The following CACNA1B variants were observed in gnomAD, a reference collection of about 807,000 sequenced individuals.
The protein encoded by CACNA1B is calcium voltage-gated channel subunit alpha1 B, also known as voltage-dependent N-type calcium channel subunit alpha-1B.
In CACNA1B, 70 loss-of-function variants were observed where a neutral mutation model predicts 247.2. The ratio of observed to expected loss-of-function variants is 0.28; its 90% CI spans 0.23 to 0.35. The LOEUF is 0.35. Among genes scored for constraint, CACNA1B ranks in the 10% least tolerant of loss-of-function variants. The pLI, the probability that CACNA1B is intolerant of heterozygous loss-of-function variation, is 1.00. For synonymous variants in CACNA1B, 1,231 were observed against 1,294.4 expected, an observed-to-expected ratio of 0.95 and a Z score of 1.05; for missense variants, 2,367 against 3,197.4, an observed-to-expected ratio of 0.74 and a Z score of 6.26.
chr9:137,921,354 A>T (rs1347032553), intron 6 of CACNA1B, among the ~76,000 whole-genome samples: 1 of 151,888 alleles, frequency 6.6e-6, no homozygotes, highest in Non-Finnish European at 1.5e-5. Context: ...TTCGGAGAAC[A>T]TGGTCAGCAC....
chr9:137,929,933 C>G (rs1009364507), intron 6 of CACNA1B, among the ~76,000 whole-genome samples: 1 of 152,066 alleles, frequency 6.6e-6, no homozygotes, highest in African/African-American at 2.4e-5. Context: ...GGACCACACG[C>G]GCATGCTACC....
In CACNA1B at chr9:138,053,899, T is replaced by G. The variant is rs750328319; in HGVS notation, c.3861T>G (p.Ile1287Met). 1 of 1,613,056 alleles carries G rather than the reference T, an allele frequency of 6.2e-7. No homozygotes were observed. Among genetic ancestry groups the G allele is most frequent in the African/African-American group, 1.3e-5 (1 of 74,906 alleles). ...TGAAGAATGTCCTCAACATCTTGAT[T>G]GTCTACATGCTCTTCATGTTCATAT... ...NSLKNVLNIL[I>M]VYMLFMFIFA... is the part of the protein sequence containing the mutation. The change falls in exon 26 of 47, where the codon ATT (isoleucine) becomes ATG (methionine). Residue 1287 changes from isoleucine to methionine, a missense_variant. Around this residue, in one of 12 missense-constraint regions of CACNA1B, gnomAD observed 436 missense variants for 679.5 expected, o/e 0.64. Transcript: ENST00000371372.
At chr9:137,921,276 A>G (rs1363269919) in intron 6 of CACNA1B, among the ~76,000 whole-genome samples, 3 of 151,750 alleles carry the variant, frequency 2.0e-5, no homozygotes, top group Non-Finnish European at 4.4e-5. Context: ...TCCCGGGAGC[A>G]GAGTAAAGCG....
chr9:138,068,729 G>A (rs1960018643), intron 31 of CACNA1B: 1 of 468,820 alleles, frequency 2.1e-6, no homozygotes, highest in East Asian at 6.2e-5. Flanking sequence ...AAGAGGGGCG[G>A]GAACTGCTGA....
chr9:137,918,271 G>A (rs7850658), intron 6 of CACNA1B, among the ~76,000 whole-genome samples: 16,957 of 151,970 alleles, frequency 0.11, 2,797 homozygotes, highest in African/African-American at 0.36. Flanking sequence ...CCTTCTTGGT[G>A]GAGTCTCCCA....
Position 138,007,379 on chromosome 9 carries a change from C to T in CACNA1B, c.2092+495C>T, listed in dbSNP as rs188365841. ...AGAGGGTGAGTCTGTGGGGTCAGAG[C>T]GAGCCCAGCCGCCGGTGGTGAGCTC... On this transcript the variant is annotated intron_variant, in intron 16 of 46. Coordinates refer to ENST00000371372, the MANE Select transcript of CACNA1B (RefSeq NM_000718.4). The surrounding 1 kb of genome is among the most constrained non-coding windows in gnomAD (Gnocchi z 4.1). Among the ~76,000 whole-genome samples the T allele has an allele frequency of 4.6e-5, 7 of 152,162 alleles. No individual in the cohort carries two copies. In the East Asian group the frequency reaches 1.2e-3, roughly 25 times the overall value.
In CACNA1B at chr9:138,124,572, A is replaced by G. The variant is rs1420989232; in HGVS notation, c.*2573A>G. 3 of 152,236 alleles carry G rather than the reference A, an allele frequency of 2.0e-5. No individual in the cohort carries two copies. The highest frequency in any genetic ancestry group is 2.9e-5 in the Non-Finnish European group (2 of 68,052). 9.4% of individuals were successfully genotyped at this position (152,236 alleles called of 1,614,324 possible). On this transcript the variant is annotated 3_prime_UTR_variant, in exon 47 of 47. Transcript: ENST00000371372. ...TCTACAATGACATTTTGTATGAAGC[A>G]AAGTCCTTGAATTAAAATAAAAACT... is the stretch of plus-strand genomic sequence containing the variant.
intron 6 of CACNA1B, among the ~76,000 whole-genome samples, chr9:137,938,050 T>G (rs551335298): frequency 6.8e-6 from 1 of 146,934 alleles, no homozygotes; most frequent in South Asian, 2.2e-4. Flanking sequence ...TCTATGAAAT[T>G]AACAGCAGAT....
intron 10 of CACNA1B, among the ~76,000 whole-genome samples, chr9:137,967,659 G>A (rs1958095755): frequency 6.6e-6 from 1 of 152,140 alleles, no homozygotes; most frequent in South Asian, 2.1e-4. Context: ...TCCCCACTGA[G>A]GAGCGAGATC....
Position 138,021,557 on chromosome 9 carries a change from C to T in CACNA1B, c.2268-1454C>T, listed in dbSNP as rs191659573. Among the ~76,000 whole-genome samples the T allele has an allele frequency of 1.1e-4, 17 of 152,368 alleles. No homozygotes were observed. In the East Asian group the frequency reaches 2.5e-3, roughly 22 times the overall value. On this transcript the variant is annotated intron_variant, in intron 18 of 46. Coordinates refer to ENST00000371372, the MANE Select transcript of CACNA1B (RefSeq NM_000718.4). ...TCAGGGCCCCGGAGCTGGTGGCCGC[C>T]GGCCTGGGCCTCTGCAGGCCGTGGT...
intron 36 of CACNA1B, among the ~76,000 whole-genome samples, chr9:138,093,250 T>C (rs1396425350): frequency 6.6e-6 from 1 of 150,688 alleles, no homozygotes; most frequent in Non-Finnish European, 1.5e-5. Context: ...CAAAACCCTG[T>C]CTCTACTAAA....
Position 138,023,271 on chromosome 9 carries a change from A to T in CACNA1B, c.2528A>T (p.Glu843Val), listed in dbSNP as rs1958872691. 6.6e-7 allele frequency: 1 copy of T among 1,516,118 alleles called. No individual in the cohort carries two copies. Among genetic ancestry groups the T allele is most frequent in the Middle Eastern group, 2.0e-4 (1 of 5,120 alleles). 93.9% of individuals were successfully genotyped at this position (1,516,118 alleles called of 1,614,324 possible). ...KARPEAAEAP[E>V]GVDPPRRHHR... ...CGACCTGAGGCTGCGGAGGCCCCCGAGGGCGTCGACCCTCCGCGCAGGCAC... is the reference window on the plus strand; with the variant it reads ...CGACCTGAGGCTGCGGAGGCCCCCGTGGGCGTCGACCCTCCGCGCAGGCAC... The change falls in exon 19 of 47, where the codon GAG becomes GTG. Residue 843 changes from glutamate (E) to valine (V), a missense_variant. Transcript: ENST00000371372.
At position 137,939,061 on chromosome 9, in the gene CACNA1B, T is replaced by C. The variant is rs141814624; in HGVS notation, c.967-13213T>C. Among the ~76,000 whole-genome samples, 734 of 151,640 alleles carry C rather than the reference T, an allele frequency of 4.8e-3. 8 individuals are homozygous for C. Among genetic ancestry groups the C allele is most frequent in the African/African-American group, 0.016 (678 of 41,318 alleles). The stretch of plus-strand genomic sequence containing the variant: ...CTCCAGCCTGGGTGACAGAGCGAGA[T>C]TCTGTCCTAAAAGAAAAAAAAAGAG... On this transcript the variant is annotated intron_variant, in intron 6 of 46. Transcript: ENST00000371372.
At chr9:137,960,923 T>C (rs1176534327) in intron 10 of CACNA1B, among the ~76,000 whole-genome samples, 2 of 152,172 alleles carry the variant, frequency 1.3e-5, no homozygotes, top group African/African-American at 2.4e-5. Context: ...TGAGATGATA[T>C]CTCATTTTGG....
rs1181410431 is a variant in CACNA1B at position 138,054,558 on chromosome 9, G to A, written c.3968+552G>A. Among the ~76,000 whole-genome samples, 1 of 152,242 alleles carries A rather than the reference G, an allele frequency of 6.6e-6. No individual in the cohort carries two copies. The highest frequency in any genetic ancestry group is 1.5e-5 in the Non-Finnish European group (1 of 68,036). ...CTGCCCACGCGGCAGCGTCCCAGCT[G>A]CTTCTGTGTGAATATCATGCAGCTT... On this transcript the variant is annotated intron_variant, in intron 26 of 46. Coordinates refer to ENST00000371372, the MANE Select transcript of CACNA1B (RefSeq NM_000718.4). The surrounding 1 kb of genome is among the most constrained non-coding windows in gnomAD (Gnocchi z 4.6).
At chr9:138,069,949 T>C (rs1316647968) in intron 32 of CACNA1B, among the ~76,000 whole-genome samples, 186 bp downstream of exon 32, 2 of 152,230 alleles carry the variant, frequency 1.3e-5, no homozygotes, top group Non-Finnish European at 2.9e-5. Flanking sequence ...GCAGGGCTTC[T>C]GAGGGCCCTC....
At chr9:138,047,145 AC>A (rs1959192237) in intron 22 of CACNA1B, 112 bp downstream of exon 22, 1 of 1,013,618 alleles carries the variant, frequency 9.9e-7, no homozygotes, top group Admixed American at 2.6e-5. Flanking sequence ...CTCACAGGGC[AC>A]CCCTCCTTCC....
At chr9:138,068,636 A>G (rs1960015008) in intron 31 of CACNA1B, 1 of 518,672 alleles carries the variant, frequency 1.9e-6, no homozygotes, top group Non-Finnish European at 3.8e-6. Flanking sequence ...CATCAAATAC[A>G]GTGATGGAAA....
intron 18 of CACNA1B, among the ~76,000 whole-genome samples, chr9:138,015,199 G>A (rs1003318454): frequency 6.6e-6 from 1 of 152,184 alleles, no homozygotes; most frequent in Non-Finnish European, 1.5e-5. Flanking sequence ...GAGGCGTCCA[G>A]GTGTCAGCCC....
Sources: allele counts gnomAD v4.1 joint callset (sites outside exome capture counted in the v4.1 genomes callset), GRCh38; gene constraint gnomAD v4.1.1; regional missense constraint gnomAD v4.1.1; non-coding constraint Gnocchi (gnomAD v3.1); transcripts MANE v1.5; gene names NCBI Gene and HGNC (gene_info 2026-07-23, HGNC 2026-07-21).